CRADD: variants seen among roughly 807,000 people sequenced by gnomAD.
The protein encoded by CRADD is death domain-containing protein CRADD.
Under a neutral mutation model 15.5 loss-of-function variants are expected in CRADD, and 9 were observed. That is an observed-to-expected ratio of 0.58 (90% CI 0.35 to 1.01). The LOEUF is 1.01. Among genes scored for constraint, CRADD ranks in the 50% least tolerant of loss-of-function variants. CRADD has a pLI of 0.02. For missense variants in CRADD, 227 were observed against 250.3 expected (o/e 0.91, Z 0.63); for synonymous variants, 118 against 107.6 (o/e 1.10, Z -0.60).
At chr12:93,712,858 C>A (rs1186011534) in intron 2 of CRADD, among the ~76,000 whole-genome samples, 5 of 151,862 alleles carry the variant, frequency 3.3e-5, no homozygotes, top group Non-Finnish European at 7.4e-5. Flanking sequence ...AAGTGGAGCA[C>A]CCTTAGAGAA....
intron 2 of CRADD, among the ~76,000 whole-genome samples, chr12:93,878,246 C>T (rs1958471376): frequency 6.6e-6 from 1 of 152,158 alleles, no homozygotes; most frequent in Non-Finnish European, 1.5e-5. Flanking sequence ...GGGAGTGGGT[C>T]CCTCCTGGCC....
chr12:93,852,191 CT>C (rs1267059057), downstream of CRADD, among the ~76,000 whole-genome samples: 2 of 152,204 alleles, frequency 1.3e-5, no homozygotes, highest in Non-Finnish European at 2.9e-5. Flanking sequence ...TGTCTTCCCC[CT>C]GGGTTTCCTA....
intron 2 of CRADD, among the ~76,000 whole-genome samples, chr12:93,710,886 A>G (rs982460352): frequency 7.2e-5 from 11 of 152,096 alleles, no homozygotes. Context: ...AGTAAAAGAT[A>G]GGTATTATTA....
At chr12:93,865,341 G>A (rs536410544) in intron 2 of CRADD, among the ~76,000 whole-genome samples, 1 of 152,302 alleles carries the variant, frequency 6.6e-6, no homozygotes, top group African/African-American at 2.4e-5. Context: ...TCTGCAGAAA[G>A]CAATACCTAT....
At chr12:93,772,482 T>A (rs1369791403) in intron 2 of CRADD, among the ~76,000 whole-genome samples, 2 of 152,190 alleles carry the variant, frequency 1.3e-5, no homozygotes, top group African/African-American at 4.8e-5. Flanking sequence ...GCAAAGAAAC[T>A]CTCTCTTCTG....
At chr12:93,767,941 A>T (rs1349892253) in intron 2 of CRADD, among the ~76,000 whole-genome samples, 1 of 152,258 alleles carries the variant, frequency 6.6e-6, no homozygotes, top group Non-Finnish European at 1.5e-5. Flanking sequence ...TTTGGAGTAT[A>T]TCTTTCCTTG....
At chr12:93,709,133 G>A (rs975174821) in intron 2 of CRADD, 1 of 152,268 alleles carries the variant, frequency 6.6e-6, no homozygotes, top group Non-Finnish European at 1.5e-5. Flanking sequence ...TATATTCATA[G>A]ATCATGTGCA....
chr12:93,702,115 C>G (rs1955854539), intron 2 of CRADD, among the ~76,000 whole-genome samples: 1 of 152,182 alleles, frequency 6.6e-6, no homozygotes, highest in African/African-American at 2.4e-5. Flanking sequence ...TTGTTCACAT[C>G]TGCTGCAGCC....
intron 2 of CRADD, among the ~76,000 whole-genome samples, chr12:93,787,222 A>T (rs1480953047): frequency 6.7e-6 from 1 of 149,694 alleles, no homozygotes; most frequent in African/African-American, 2.5e-5. Flanking sequence ...TTCATCACTA[A>T]GTCAGCCTCA....
chr12:93,813,248 A>G (rs1262217644), intron 2 of CRADD, among the ~76,000 whole-genome samples: 2 of 152,240 alleles, frequency 1.3e-5, no homozygotes, highest in African/African-American at 4.8e-5. Flanking sequence ...AAACTCCCAA[A>G]ACATCCAAAT....
intron 2 of CRADD, among the ~76,000 whole-genome samples, chr12:93,885,666 C>T (rs1371518823): frequency 6.6e-6 from 1 of 152,134 alleles, no homozygotes; most frequent in Non-Finnish European, 1.5e-5. Context: ...TCAGTTTCTT[C>T]TTTTGAAAAA....
At chr12:93,757,111 C>T (rs1429995970) in intron 2 of CRADD, among the ~76,000 whole-genome samples, 1 of 152,220 alleles carries the variant, frequency 6.6e-6, no homozygotes, top group African/African-American at 2.4e-5. Flanking sequence ...TTTACTAAAA[C>T]ATACGTATAT....
chr12:93,713,195 C>T (rs982070742), intron 2 of CRADD, among the ~76,000 whole-genome samples: 3 of 152,012 alleles, frequency 2.0e-5, no homozygotes, highest in South Asian at 2.1e-4. Flanking sequence ...GAGGTCTGTG[C>T]GGTACTCTAG....
At chr12:93,742,839 T>A (rs1392347488) in intron 2 of CRADD, among the ~76,000 whole-genome samples, 1 of 152,124 alleles carries the variant, frequency 6.6e-6, no homozygotes, top group Non-Finnish European at 1.5e-5. Flanking sequence ...GTCAGGTGTT[T>A]GTGCGGCTCC....
At chr12:93,805,310 A>T (rs1957524636) in intron 2 of CRADD, among the ~76,000 whole-genome samples, 1 of 152,004 alleles carries the variant, frequency 6.6e-6, no homozygotes, top group South Asian at 2.1e-4. Flanking sequence ...AGAAAACTCT[A>T]AAGTAAGAAT....
chr12:93,819,754 A>C (rs1253508624), intron 2 of CRADD, among the ~76,000 whole-genome samples: 1 of 152,254 alleles, frequency 6.6e-6, no homozygotes, highest in African/African-American at 2.4e-5. Flanking sequence ...GGGTTGCACC[A>C]CATAACCGAA....
intron 2 of CRADD, among the ~76,000 whole-genome samples, chr12:93,888,514 T>C (rs1958554339): frequency 6.6e-6 from 1 of 152,068 alleles, no homozygotes; most frequent in Non-Finnish European, 1.5e-5. Context: ...TTATCCCAAC[T>C]GACTGTTGCA....
intron 2 of CRADD, among the ~76,000 whole-genome samples, chr12:93,809,109 T>C (rs1317000789): frequency 6.6e-6 from 1 of 151,834 alleles, no homozygotes; most frequent in Non-Finnish European, 1.5e-5. Context: ...AAACAGAGTT[T>C]CACCTTGTTG....
chr12:93,841,874 A>G (rs988159702), intron 2 of CRADD, among the ~76,000 whole-genome samples: 2 of 152,128 alleles, frequency 1.3e-5, no homozygotes, highest in East Asian at 1.9e-4. Flanking sequence ...TGACACTTAC[A>G]TCAGTAACAG....
Sources: allele counts gnomAD v4.1 joint callset (sites outside exome capture counted in the v4.1 genomes callset), GRCh38; gene constraint gnomAD v4.1.1; transcripts MANE v1.5; gene names NCBI Gene and HGNC (gene_info 2026-07-23, HGNC 2026-07-21).